The following ACTR6 variants were observed in gnomAD, a reference collection of about 807,000 sequenced individuals.
The protein encoded by ACTR6 is actin related protein 6.
Under a neutral mutation model 52.5 loss-of-function variants are expected in ACTR6, and 50 were observed. The ratio of observed to expected loss-of-function variants is 0.95; its 90% confidence interval spans 0.76 to 1.20. ACTR6 has a LOEUF of 1.20. Among genes scored for constraint, ACTR6 ranks in the 50% most tolerant of loss-of-function variants. The pLI is 0.00. For missense variants in ACTR6, 344 were observed against 472.4 expected (o/e 0.73, Z 2.52); for synonymous variants, 135 against 147.2 (o/e 0.92, Z 0.60).
At chr12:100,219,940 C>A (rs2096126772) in intron 9 of ACTR6, 68 bp from the exon 10 acceptor site, 1 of 1,547,040 alleles carries the variant, frequency 6.5e-7, no homozygotes, top group Admixed American at 1.8e-5. Context: ...TCATCCACAT[C>A]TTTCCAGAAA....
In ACTR6 at chr12:100,210,977, A is replaced by C. The variant is rs147018533; in HGVS notation, c.572+626A>C. Among the ~76,000 whole-genome samples, 1,027 of 152,152 alleles carry C rather than the reference A, an allele frequency of 6.7e-3. 5 individuals are homozygous for C. The highest frequency in any genetic ancestry group is 7.5e-3 in the Non-Finnish European group (510 of 68,004). On this transcript the variant is annotated intron_variant, in intron 6 of 10. Transcript: ENST00000188312. The stretch of plus-strand genomic sequence containing the variant: ...TCGCTATATGTTTGTTATCTGAAGA[A>C]TGTTAGTTTCTTTTTGTTTGTTTTC...
At chr12:100,213,803 T>C (rs966021561) in intron 8 of ACTR6, among the ~76,000 whole-genome samples, 3 of 152,220 alleles carry the variant, frequency 2.0e-5, no homozygotes, top group African/African-American at 7.2e-5. Context: ...CTTCTGTGGT[T>C]AGGTAAATGT....
At chr12:100,223,114 G>T (rs1456278040) in intron 10 of ACTR6, among the ~76,000 whole-genome samples, 1 of 152,088 alleles carries the variant, frequency 6.6e-6, no homozygotes, top group Non-Finnish European at 1.5e-5. Flanking sequence ...GAGGTGTGTG[G>T]ATCACCTGAG....
intron 6 of ACTR6, 102 bp downstream of exon 6, chr12:100,210,453 T>A: frequency 7.9e-7 from 1 of 1,264,074 alleles, no homozygotes; most frequent in Non-Finnish European, 1.1e-6. Flanking sequence ...TCATTGTGAC[T>A]CACGCCTGTA....
intron 6 of ACTR6, 106 bp from the exon 7 acceptor site, chr12:100,212,150 C>A: frequency 1.3e-6 from 1 of 758,184 alleles, no homozygotes; most frequent in South Asian, 2.1e-5. Flanking sequence ...TTTAAAATTT[C>A]AAAAAATCAG....
At chr12:100,206,837 T>TC (rs1347192474) in intron 3 of ACTR6, among the ~76,000 whole-genome samples, 1 of 148,748 alleles carries the variant, frequency 6.7e-6, no homozygotes, top group East Asian at 2.0e-4. Flanking sequence ...CCTGGCTCTT[T>TC]TTTTTTTTTT....
chr12:100,220,250 ATTTC>A, intron 10 of ACTR6, 104 bp downstream of exon 10: 1 of 1,077,222 alleles, frequency 9.3e-7, no homozygotes, highest in Non-Finnish European at 1.4e-6. Context: ...TGGCAGGTTC[ATTTC>A]ACCTGCTGAA....
intron 4 of ACTR6, chr12:100,208,783 G>A (rs947865227): frequency 1.3e-5 from 6 of 455,414 alleles, no homozygotes; most frequent in Non-Finnish European, 2.6e-5. Flanking sequence ...GTCTTGCTCT[G>A]TTGCCCAGGC....
At chr12:100,206,619 G>A (rs1032929141) in intron 3 of ACTR6, among the ~76,000 whole-genome samples, 3 of 151,462 alleles carry the variant, frequency 2.0e-5, no homozygotes, top group Non-Finnish European at 4.4e-5. Context: ...GTGAGCTACC[G>A]CACCAGCCCC....
intron 8 of ACTR6, among the ~76,000 whole-genome samples, chr12:100,213,172 A>T (rs763566379): frequency 3.3e-5 from 5 of 152,044 alleles, no homozygotes; most frequent in African/African-American, 7.2e-5. Context: ...CACTCACTAT[A>T]GCCTTTACCT....
At chr12:100,214,636 G>A (rs1047222863) in intron 8 of ACTR6, among the ~76,000 whole-genome samples, 10 of 151,816 alleles carry the variant, frequency 6.6e-5, no homozygotes, top group African/African-American at 1.9e-4. Context: ...TCAGGAGGCC[G>A]AGTTGGGAGG....
chr12:100,205,625 A>T (rs563199129), intron 2 of ACTR6, 51 bp from the exon 3 acceptor site: 10 of 1,107,306 alleles, frequency 9.0e-6, no homozygotes, highest in Admixed American at 2.7e-5. Context: ...TCTGATTTTT[A>T]AAAATTATTC....
chr12:100,212,325 G>A lies in ACTR6; in HGVS notation c.642G>A (p.Gln214=). The A allele has an allele frequency of 6.2e-7, 1 of 1,612,110 alleles. No homozygotes were observed. ...AAGAAGATGTATGCTATGTGTCTCA[G>A]GATTTTTATAGAGACATGGATATTG... ...QVKEDVCYVS[Q]DFYRDMDIAK... is the part of the protein sequence containing the mutation. The change falls in exon 7 of 11, where the codon CAG becomes CAA. Residue 214 remains glutamine (Q), a synonymous_variant. Transcript: ENST00000188312.
At chr12:100,215,741 ATAAT>A (rs1401477188) in intron 8 of ACTR6, among the ~76,000 whole-genome samples, 4 of 152,172 alleles carry the variant, frequency 2.6e-5, no homozygotes, top group African/African-American at 9.6e-5. Flanking sequence ...AATCATCTTA[ATAAT>A]TTTTTAAAGA....
At position 100,200,851 on chromosome 12, in the gene ACTR6, G is replaced by A; in HGVS notation, c.-1G>A. On this transcript the variant is annotated 5_prime_UTR_variant, in exon 1 of 11. Transcript: ENST00000188312. The stretch of plus-strand genomic sequence containing the variant: ...ACGGCTGCGGTGTGGTTGGTGGTGA[G>A]ATGACGACCTTAGTGCTGGATAATG... 1.2e-6 allele frequency: 2 copies of A among 1,614,146 alleles called. No individual in the cohort carries two copies. The highest frequency in any genetic ancestry group is 1.7e-6 in the Non-Finnish European group (2 of 1,179,994).
intron 1 of ACTR6, 152 bp downstream of exon 1, chr12:100,201,071 G>C: frequency 6.7e-7 from 1 of 1,486,752 alleles, no homozygotes; most frequent in Non-Finnish European, 8.9e-7. Context: ...GTGGGTGATT[G>C]TGATGCTTTG....
intron 4 of ACTR6, among the ~76,000 whole-genome samples, chr12:100,209,409 TA>T: frequency 1.3e-5 from 2 of 152,286 alleles, no homozygotes; most frequent in Non-Finnish European, 2.9e-5. Flanking sequence ...CAGTCCCAGC[TA>T]CTGGAGAGGC....
chr12:100,222,433 T>G (rs1248460674), intron 10 of ACTR6, among the ~76,000 whole-genome samples: 2 of 151,988 alleles, frequency 1.3e-5, no homozygotes, highest in Non-Finnish European at 2.9e-5. Flanking sequence ...ATTTTTAAAA[T>G]TTTTGGTAGA....
Position 100,210,458 on chromosome 12 carries a change from C to G in ACTR6, c.572+107C>G. The G allele has an allele frequency of 5.7e-6, 7 of 1,218,494 alleles. No individual in the cohort carries two copies. The South Asian group carries it at 9.5e-5, about 17-fold the overall frequency. The allele number at this position is 1,218,494 out of a possible 1,614,324, so 75.5% of individuals were successfully genotyped here. A position where few individuals can be genotyped will look rare whatever the true frequency, so the allele number is the denominator to read the frequency against. On this transcript the variant is annotated intron_variant, in intron 6 of 10. Transcript: ENST00000188312. Reference sequence around the variant, plus strand: ...TTAAGGCCAGTCATTGTGACTCACGCCTGTAATCCCAGCACATTGGGAGGC... The same window carrying G: ...TTAAGGCCAGTCATTGTGACTCACGGCTGTAATCCCAGCACATTGGGAGGC...
Sources: allele counts gnomAD v4.1 joint callset (sites outside exome capture counted in the v4.1 genomes callset), GRCh38; gene constraint gnomAD v4.1.1; transcripts MANE v1.5; gene names NCBI Gene and HGNC (gene_info 2026-07-23, HGNC 2026-07-21).